Variants in ARHGAP8 observed in about 807,000 individuals in gnomAD.
The protein encoded by ARHGAP8 is Rho GTPase activating protein 8, also known as rho GTPase-activating protein 8.
Under a neutral mutation model 46.1 loss-of-function variants are expected in ARHGAP8, and 62 were observed. That is an observed-to-expected ratio of 1.34 (90% CI 1.10 to 1.66). The LOEUF (loss-of-function observed/expected upper bound fraction) is 1.66. ARHGAP8 is among the 40% of genes most tolerant of loss of function. The pLI, the probability that ARHGAP8 is intolerant of heterozygous loss-of-function variation, is 0.00. For synonymous variants in ARHGAP8, 375 were observed against 243.1 expected (o/e 1.54, Z -5.05); for missense variants, 923 against 568.4 (o/e 1.62, Z -6.34).
At chr22:44,858,819 T>A (rs1171310530) in intron 10 of ARHGAP8, among the ~76,000 whole-genome samples, 1 of 150,970 alleles carries the variant, frequency 6.6e-6, no homozygotes, top group East Asian at 1.9e-4. Flanking sequence ...GTGTGGGCGA[T>A]TTGTGGTGCT....
At chr22:44,766,761 C>T (rs987196241) in intron 1 of ARHGAP8, among the ~76,000 whole-genome samples, 1 of 152,146 alleles carries the variant, frequency 6.6e-6, no homozygotes, top group Non-Finnish European at 1.5e-5. Flanking sequence ...GTGCTTGGCA[C>T]CAAGTCGGTG....
intron 7 of ARHGAP8, among the ~76,000 whole-genome samples, chr22:44,826,762 G>C (rs1309767696): frequency 6.6e-6 from 1 of 152,130 alleles, no homozygotes; most frequent in Non-Finnish European, 1.5e-5. Context: ...GAAAGGTTTT[G>C]AGAACTGAGG....
chr22:44,782,627 A>G (rs1031489417), intron 1 of ARHGAP8, among the ~76,000 whole-genome samples: 16 of 152,126 alleles, frequency 1.1e-4, no homozygotes, highest in African/African-American at 9.7e-5. Flanking sequence ...CTTTCACTGA[A>G]TAGAGCGGTT....
Position 44,754,915 on chromosome 22 carries a change from G to A in ARHGAP8, c.-72+2288G>A, listed in dbSNP as rs147264436. On this transcript the variant is annotated intron_variant, in intron 1 of 11. Transcript: ENST00000356099. The stretch of plus-strand genomic sequence containing the variant: ...CACTGATAGGGAAACTGAGGCACAG[G>A]CAGCATGAGGGTGAGAAAGAGATGG... 3.3e-5 allele frequency among the ~76,000 whole-genome samples: 5 copies of A among 152,220 alleles called. No homozygotes were observed. In the South Asian group the frequency reaches 8.3e-4, roughly 25 times the overall value.
At chr22:44,788,582 C>A (rs779167225) in intron 2 of ARHGAP8, among the ~76,000 whole-genome samples, 4 of 151,978 alleles carry the variant, frequency 2.6e-5, no homozygotes, top group Non-Finnish European at 4.4e-5. Context: ...TTAGTAGAGA[C>A]AGGGTTTTGT....
intron 7 of ARHGAP8, among the ~76,000 whole-genome samples, chr22:44,828,169 G>C (rs1301732667): frequency 6.6e-6 from 1 of 152,204 alleles, no homozygotes; most frequent in Non-Finnish European, 1.5e-5. Context: ...CAATAAATGA[G>C]CAAGAGACTA....
At chr22:44,827,594 C>A (rs573470776) in intron 7 of ARHGAP8, among the ~76,000 whole-genome samples, 1 of 152,160 alleles carries the variant, frequency 6.6e-6, no homozygotes, top group African/African-American at 2.4e-5. Flanking sequence ...CCACCTGCCT[C>A]GGCCTCCCAA....
intron 2 of ARHGAP8, among the ~76,000 whole-genome samples, chr22:44,788,445 G>A (rs886554307): frequency 2.0e-5 from 3 of 151,890 alleles, no homozygotes; most frequent in Non-Finnish European, 4.4e-5. Context: ...GAGACAGGGT[G>A]TCACTCTGTT....
In ARHGAP8 at chr22:44,862,313, T is replaced by C. The variant is rs138244204; in HGVS notation, c.1020T>C (p.Ser340=). ...GCATCTTCAACAAAATGAACAGCTC[T>C]AACCTGGCCTGTGTCTTCGGGCTGA... The part of the protein sequence containing the change: ...RESIFNKMNS[S]NLACVFGLNL... Residue 340 remains serine, a synonymous_variant, in exon 12 of 12, where the codon TCT becomes TCC. Transcript: ENST00000356099. The C allele has an allele frequency of 3.1e-6, 5 of 1,612,762 alleles. No homozygotes were observed. Among genetic ancestry groups the C allele is most frequent in the Middle Eastern group, 1.6e-4 (1 of 6,080 alleles).
At chr22:44,806,389 C>T (rs1425358536) in intron 3 of ARHGAP8, among the ~76,000 whole-genome samples, 2 of 152,194 alleles carry the variant, frequency 1.3e-5, no homozygotes, top group African/African-American at 2.4e-5. Context: ...GATTTCTCTA[C>T]ATCAAAGCAG....
chr22:44,846,410 C>A (rs1188754766), intron 8 of ARHGAP8, among the ~76,000 whole-genome samples: 1 of 152,200 alleles, frequency 6.6e-6, no homozygotes, highest in Non-Finnish European at 1.5e-5. Flanking sequence ...TGTGCTTTGG[C>A]ACGAGAGTCC....
chr22:44,813,666 C>T (rs992347697), intron 4 of ARHGAP8, among the ~76,000 whole-genome samples: 1 of 150,824 alleles, frequency 6.6e-6, no homozygotes, highest in Non-Finnish European at 1.5e-5. Context: ...CACCTAAATA[C>T]ACCTACACAC....
At chr22:44,854,237 CTTTT>C (rs35201093) in intron 10 of ARHGAP8, among the ~76,000 whole-genome samples, 2 of 130,400 alleles carry the variant, frequency 1.5e-5, no homozygotes, top group Admixed American at 8.1e-5. Flanking sequence ...CCCCTTGTAT[CTTTT>C]TTTTTTTTTT....
At chr22:44,758,620 G>T (rs1569130328) in intron 1 of ARHGAP8, among the ~76,000 whole-genome samples, 1 of 151,760 alleles carries the variant, frequency 6.6e-6, no homozygotes, top group Non-Finnish European at 1.5e-5. Flanking sequence ...AGGTAGTGGG[G>T]AGGGGGGGAA....
chr22:44,825,321 G>A (rs2147122158), intron 6 of ARHGAP8, among the ~76,000 whole-genome samples, 162 bp from the exon 7 acceptor site: 1 of 152,174 alleles, frequency 6.6e-6, no homozygotes. Flanking sequence ...GATTGTGACT[G>A]TGTGTATGTG....
chr22:44,810,951 T>C (rs1929290885), intron 4 of ARHGAP8, among the ~76,000 whole-genome samples: 1 of 152,074 alleles, frequency 6.6e-6, no homozygotes, highest in African/African-American at 2.4e-5. Flanking sequence ...CACAGCAGGA[T>C]GTGCACAGTA....
intron 7 of ARHGAP8, among the ~76,000 whole-genome samples, chr22:44,841,866 G>A (rs997461790): frequency 2.0e-5 from 3 of 152,334 alleles, no homozygotes; most frequent in African/African-American, 7.2e-5. Context: ...GGGGCAGGGA[G>A]GTGACTGCCC....
chr22:44,808,406 G>A lies in ARHGAP8; in HGVS notation c.267G>A (p.Trp89Ter). The part of the protein sequence containing the change: ...LNSRNKPSLG[W>*]LQSAYKEFDR... Reference sequence around the variant, plus strand: ...GCCGGAACAAGCCTTCCCTGGGCTGGCTCCAGAGCGCATACAAGGAGTTCG... The same window carrying A: ...GCCGGAACAAGCCTTCCCTGGGCTGACTCCAGAGCGCATACAAGGAGTTCG... Residue 89 changes from tryptophan to a stop codon, truncating the protein, a stop_gained, in exon 4 of 12, where the codon TGG (tryptophan) becomes TGA (stop). Coordinates refer to ENST00000356099, the MANE Select transcript of ARHGAP8 (RefSeq NM_181335.3). LOFTEE classifies it high-confidence loss of function. 6.2e-7 allele frequency: 1 copy of A among 1,614,204 alleles called. No homozygotes were observed. The highest frequency in any genetic ancestry group is 8.5e-7 in the Non-Finnish European group (1 of 1,180,044).
At chr22:44,772,400 G>A (rs1888611765) in intron 1 of ARHGAP8, among the ~76,000 whole-genome samples, 1 of 139,542 alleles carries the variant, frequency 7.2e-6, no homozygotes. Context: ...ATGTTGACCA[G>A]GTTGGTCTCG....
Sources: gnomAD v4.1 joint callset for allele counts (sites outside exome capture counted in the v4.1 genomes callset) on GRCh38, gnomAD v4.1.1 for gene constraint, MANE v1.5 for transcripts, NCBI Gene and HGNC (gene_info 2026-07-23, HGNC 2026-07-21) for gene names.